The following C9 variants were observed in gnomAD, a reference collection of about 807,000 sequenced individuals.
C9 encodes the protein complement C9, also known as complement component C9.
C9 carries 63 observed loss-of-function variants against 65.4 expected under a neutral mutation model. The ratio of observed to expected loss-of-function variants is 0.96; its 90% CI spans 0.79 to 1.19. C9 has a LOEUF of 1.19. Among genes scored for constraint, C9 ranks in the 50% most tolerant of loss-of-function variants. The pLI, the probability that C9 is intolerant of heterozygous loss-of-function variation, is 0.00. For missense variants in C9, 744 were observed against 670.1 expected, an observed-to-expected ratio of 1.11 and a Z score of -1.22; for synonymous variants, 229 against 227.9, an observed-to-expected ratio of 1.00 and a Z score of -0.04.
chr5:39,346,505 G>A (rs920009598), intron 1 of C9, among the ~76,000 whole-genome samples: 4 of 152,198 alleles, frequency 2.6e-5, no homozygotes, highest in African/African-American at 7.2e-5. Context: ...CCAATAACAG[G>A]CTCTGAAATT....
At chr5:39,342,054 T>C in intron 2 of C9, 37 bp downstream of exon 2, 1 of 1,135,220 alleles carries the variant, frequency 8.8e-7, no homozygotes, top group Non-Finnish European at 1.3e-6. Flanking sequence ...CAGTTTCCAT[T>C]TGGGGAGGTC....
chr5:39,315,716 TAA>T (rs1021420111), intron 6 of C9, 57 bp downstream of exon 6: 78 of 1,258,456 alleles, frequency 6.2e-5, no homozygotes, highest in Non-Finnish European at 7.9e-5. Context: ...TCAAAATACT[TAA>T]AGAGTCTGGG....
chr5:39,341,743 A>G (rs763739420), intron 2 of C9, 43 bp from the exon 3 acceptor site: 1 of 1,596,706 alleles, frequency 6.3e-7, no homozygotes, highest in African/African-American at 1.3e-5. Context: ...CTAATGCCAA[A>G]AAAAGGGTAT....
chr5:39,359,883 G>A, intron 1 of C9, among the ~76,000 whole-genome samples: 1 of 152,194 alleles, frequency 6.6e-6, no homozygotes, highest in South Asian at 2.1e-4. Context: ...CACAACGTCT[G>A]GCTCATTCGA....
intron 9 of C9, among the ~76,000 whole-genome samples, chr5:39,290,752 A>G (rs1276781526): frequency 6.6e-6 from 1 of 151,820 alleles, no homozygotes; most frequent in African/African-American, 2.4e-5. Context: ...TAATTCAGCA[A>G]GAGTTAGTAG....
chr5:39,288,544 T>A (rs982024708), intron 10 of C9, among the ~76,000 whole-genome samples, 179 bp downstream of exon 10: 11 of 151,770 alleles, frequency 7.2e-5, no homozygotes, highest in African/African-American at 2.7e-4. Flanking sequence ...AAGTAGAATA[T>A]GTCAGAATGA....
chr5:39,336,430 T>C (rs1753966759), intron 4 of C9, among the ~76,000 whole-genome samples: 1 of 152,142 alleles, frequency 6.6e-6, no homozygotes, highest in African/African-American at 2.4e-5. Context: ...AAGATATTAA[T>C]TGAAATTTAA....
intron 4 of C9, among the ~76,000 whole-genome samples, chr5:39,338,351 A>G (rs1366242256): frequency 6.6e-6 from 1 of 152,118 alleles, no homozygotes. Context: ...GTATGGTAGA[A>G]AAATATAGTT....
At chr5:39,347,137 C>T (rs184789368) in intron 1 of C9, among the ~76,000 whole-genome samples, 2 of 152,186 alleles carry the variant, frequency 1.3e-5, no homozygotes, top group Non-Finnish European at 2.9e-5. Flanking sequence ...TCTCTCACCA[C>T]CCCTATTCAA....
chr5:39,308,398 T>C (rs1425745773), intron 7 of C9, 40 bp from the exon 8 acceptor site: 1 of 1,473,220 alleles, frequency 6.8e-7, no homozygotes, highest in Non-Finnish European at 9.5e-7. Flanking sequence ...AGATAATGTC[T>C]ACCAACATCA....
At chr5:39,316,193 C>T (rs574865833) in intron 5 of C9, among the ~76,000 whole-genome samples, 164 bp from the exon 6 acceptor site, 42 of 152,258 alleles carry the variant, frequency 2.8e-4, no homozygotes, top group Non-Finnish European at 5.4e-4. Context: ...CAAATACAGA[C>T]TCTGTCACTT....
At chr5:39,342,734 G>T (rs1189251923) in intron 1 of C9, among the ~76,000 whole-genome samples, 1 of 152,006 alleles carries the variant, frequency 6.6e-6, no homozygotes, top group African/African-American at 2.4e-5. Context: ...CCCTAAACTG[G>T]ATGCCTTGCC....
At chr5:39,359,070 ATGTGTGTGTATATATATATG>A (rs1754467205) in intron 1 of C9, among the ~76,000 whole-genome samples, 1 of 120,146 alleles carries the variant, frequency 8.3e-6, no homozygotes, top group Non-Finnish European at 1.7e-5. Context: ...GTATATATAT[ATGTGTGTGTATATATATATG>A]TGTGTGTGTG....
At chr5:39,320,671 C>T (rs1753650760) in intron 5 of C9, among the ~76,000 whole-genome samples, 1 of 152,034 alleles carries the variant, frequency 6.6e-6, no homozygotes, top group African/African-American at 2.4e-5. Context: ...CACCCAGGTC[C>T]ATGAATCCCA....
intron 5 of C9, among the ~76,000 whole-genome samples, chr5:39,318,179 C>A (rs1753604754): frequency 6.6e-6 from 1 of 151,790 alleles, no homozygotes; most frequent in Non-Finnish European, 1.5e-5. Flanking sequence ...GGAATGGTAG[C>A]AATTTTTGCC....
At chr5:39,344,754 G>T (rs1448899026) in intron 1 of C9, among the ~76,000 whole-genome samples, 2 of 152,164 alleles carry the variant, frequency 1.3e-5, no homozygotes, top group Non-Finnish European at 2.9e-5. Context: ...AGGAAAAAAT[G>T]TTAAGGGCAG....
chr5:39,335,348 T>C (rs1753943315), intron 4 of C9, among the ~76,000 whole-genome samples: 1 of 152,168 alleles, frequency 6.6e-6, no homozygotes, highest in African/African-American at 2.4e-5. Flanking sequence ...GTGTTCAAAT[T>C]AAGGAGTAGA....
At chr5:39,345,614 T>C (rs1754176570) in intron 1 of C9, among the ~76,000 whole-genome samples, 2 of 152,214 alleles carry the variant, frequency 1.3e-5, no homozygotes, top group Admixed American at 1.3e-4. Flanking sequence ...GACAGATCAG[T>C]GAGACAGAAA....
rs772528766 is a variant in C9 at position 39,342,111 on chromosome 5, C to T, written c.163G>A (p.Asp55Asn). The change falls in exon 2 of 11, where the codon GAT (aspartate) becomes AAT (asparagine). Residue 55 changes from aspartate to asparagine, a missense_variant. Coordinates refer to ENST00000263408, the MANE Select transcript of C9 (RefSeq NM_001737.5). The part of the protein sequence containing the change: ...MSPWSEWSQC[D>N]PCLRQMFRSR... ...CTTACCATTTGTCTGAGACAAGGAT[C>T]GCATTGTGACCATTCACTCCAGGGG... 19 of 1,590,942 alleles carry T rather than the reference C, an allele frequency of 1.2e-5. No homozygotes were observed. The highest frequency in any genetic ancestry group is 3.3e-5 in the Admixed American group (2 of 59,962).
Sources: allele counts gnomAD v4.1 joint callset (sites outside exome capture counted in the v4.1 genomes callset), GRCh38; gene constraint gnomAD v4.1.1; transcripts MANE v1.5; gene names NCBI Gene and HGNC (gene_info 2026-07-23, HGNC 2026-07-21).